Variants in TMPRSS11F observed in about 807,000 individuals in gnomAD.
The protein encoded by TMPRSS11F is transmembrane serine protease 11F.
In TMPRSS11F, 47 loss-of-function variants were observed where a neutral mutation model predicts 60.2. That is an observed-to-expected ratio of 0.78 (90% CI 0.62 to 1.00). The LOEUF (loss-of-function observed/expected upper bound fraction) is 1.00, where lower values mean the gene tolerates loss of function less well. Among genes scored for constraint, TMPRSS11F ranks in the 50% least tolerant of loss-of-function variants. TMPRSS11F has a pLI of 0.00. For missense variants in TMPRSS11F, 519 were observed against 522.9 expected, an observed-to-expected ratio of 0.99 and a Z score of 0.07; for synonymous variants, 166 against 167.3, an observed-to-expected ratio of 0.99 and a Z score of 0.06.
intron 1 of TMPRSS11F, among the ~76,000 whole-genome samples, chr4:68,118,754 A>G (rs1045975317): frequency 6.6e-6 from 1 of 152,196 alleles, no homozygotes; most frequent in African/African-American, 2.4e-5. Flanking sequence ...AAATGGTAAC[A>G]AAAATGAAAG....
intron 1 of TMPRSS11F, among the ~76,000 whole-genome samples, chr4:68,100,365 A>C (rs966113608): frequency 6.6e-6 from 1 of 152,112 alleles, no homozygotes; most frequent in Non-Finnish European, 1.5e-5. Context: ...GAAAAGTCAC[A>C]CAGATGTGAA....
chr4:68,069,905 C>A, intron 6 of TMPRSS11F, 64 bp downstream of exon 6: 2 of 1,402,312 alleles, frequency 1.4e-6, no homozygotes, highest in East Asian at 2.5e-5. Flanking sequence ...GCCAACTTTT[C>A]TATAACTTTT....
At chr4:68,099,979 T>A (rs1724155771) in intron 1 of TMPRSS11F, among the ~76,000 whole-genome samples, 2 of 151,834 alleles carry the variant, frequency 1.3e-5, no homozygotes. Flanking sequence ...TGAAGGGTTT[T>A]GTCAGGAGAT....
intron 2 of TMPRSS11F, among the ~76,000 whole-genome samples, chr4:68,092,686 C>T (rs532389693): frequency 7.3e-5 from 11 of 151,658 alleles, no homozygotes; most frequent in African/African-American, 2.4e-4. Flanking sequence ...TCTCAAGGCA[C>T]ATCTTGATAA....
Position 68,059,368 on chromosome 4 carries a change from C to T in TMPRSS11F, c.1116G>A (p.Met372Ile). ...DVYDGLITPG[M>I]LCAGFMEGKI... ...TTCCTTCCATGAATCCAGCACATAA[C>T]ATTCCTGGAGTTATCAGGCCATCAT... is the stretch of plus-strand genomic sequence containing the variant. The change falls in exon 9 of 10, where the codon ATG becomes ATA. Residue 372 changes from methionine (M) to isoleucine (I), a missense_variant. Physicochemically the swap from Met to Ile is conservative, Grantham distance 10. Transcript: ENST00000356291. 6.2e-7 allele frequency: 1 copy of T among 1,613,832 alleles called. No homozygotes were observed. The highest frequency in any genetic ancestry group is 8.5e-7 in the Non-Finnish European group (1 of 1,179,942).
At chr4:68,098,069 C>A (rs1414634805) in intron 2 of TMPRSS11F, among the ~76,000 whole-genome samples, 3 of 152,090 alleles carry the variant, frequency 2.0e-5, no homozygotes, top group Non-Finnish European at 4.4e-5. Flanking sequence ...CTTTGGGAGG[C>A]TGGGTCGAGT....
intron 1 of TMPRSS11F, among the ~76,000 whole-genome samples, chr4:68,104,016 T>C (rs1351746295): frequency 1.3e-5 from 2 of 152,222 alleles, no homozygotes; most frequent in Non-Finnish European, 2.9e-5. Context: ...CCCCGCAACG[T>C]TATAAAATTC....
At chr4:68,078,257 T>C (rs989164143) in intron 3 of TMPRSS11F, among the ~76,000 whole-genome samples, 2 of 151,700 alleles carry the variant, frequency 1.3e-5, no homozygotes, top group African/African-American at 4.9e-5. Flanking sequence ...TCTGTGACTG[T>C]GTACATTCAT....
At chr4:68,085,060 G>T (rs527320943) in intron 3 of TMPRSS11F, among the ~76,000 whole-genome samples, 4,185 of 127,858 alleles carry the variant, frequency 0.033, 180 homozygotes, top group African/African-American at 0.11. Context: ...CAAAGGACAT[G>T]AACTCATCAT....
At position 68,053,378 on chromosome 4, in the gene TMPRSS11F, A is replaced by T. The variant is rs1438444; in HGVS notation, c.*531T>A. On this transcript the variant is annotated 3_prime_UTR_variant, in exon 10 of 10. Transcript: ENST00000356291. The stretch of plus-strand genomic sequence containing the variant: ...TTAAAATGTCAACTGTTGAGGTTAG[A>T]GATAGTGCTCTGTATTATTAGATAT... 105,793 of 152,440 alleles carry T rather than the reference A, an allele frequency of 0.69. 38,090 individuals are homozygous for T. The highest frequency in any genetic ancestry group is 0.88 in the East Asian group (4,544 of 5,174). 9.4% of individuals were successfully genotyped at this position (152,440 alleles called of 1,614,324 possible). A position where few individuals can be genotyped will look rare whatever the true frequency, so the allele number is the denominator to read the frequency against.
chr4:68,096,059 A>C (rs1724068243), intron 2 of TMPRSS11F, among the ~76,000 whole-genome samples: 1 of 152,090 alleles, frequency 6.6e-6, no homozygotes, highest in South Asian at 2.1e-4. Context: ...AATGTCTATA[A>C]GTATTTGAAT....
intron 3 of TMPRSS11F, among the ~76,000 whole-genome samples, chr4:68,089,103 A>G (rs1025948294): frequency 3.9e-5 from 6 of 152,144 alleles, no homozygotes; most frequent in African/African-American, 1.4e-4. Flanking sequence ...CACCAAAGCA[A>G]TCCTAAGCAA....
chr4:68,071,320 G>A (rs1209382549), intron 5 of TMPRSS11F, among the ~76,000 whole-genome samples: 2 of 152,144 alleles, frequency 1.3e-5, no homozygotes, highest in African/African-American at 4.8e-5. Context: ...GAACTTTCCT[G>A]ATTTCTAACA....
At chr4:68,062,738 T>C (rs748468678) in intron 8 of TMPRSS11F, 7 of 742,918 alleles carry the variant, frequency 9.4e-6, no homozygotes, top group Non-Finnish European at 1.5e-5. Context: ...TAGGGTCACT[T>C]TGAAAACAAA....
At chr4:68,128,360 A>G (rs541316302) in intron 1 of TMPRSS11F, among the ~76,000 whole-genome samples, 59 of 152,148 alleles carry the variant, frequency 3.9e-4, no homozygotes, top group Non-Finnish European at 7.2e-4. Flanking sequence ...TCTGATCACT[A>G]TATATTACAT....
intron 1 of TMPRSS11F, among the ~76,000 whole-genome samples, chr4:68,102,712 T>C (rs1012529219): frequency 3.3e-5 from 5 of 152,202 alleles, no homozygotes; most frequent in Non-Finnish European, 5.9e-5. Context: ...AAATTGCAGA[T>C]ATTAACCCTT....
intron 1 of TMPRSS11F, among the ~76,000 whole-genome samples, chr4:68,118,319 C>A (rs1474969018): frequency 1.3e-5 from 2 of 152,098 alleles, no homozygotes; most frequent in African/African-American, 4.8e-5. Flanking sequence ...CAAGAATCTT[C>A]CAAAAATATG....
chr4:68,102,504 T>C (rs923956799), intron 1 of TMPRSS11F, among the ~76,000 whole-genome samples: 1 of 152,194 alleles, frequency 6.6e-6, no homozygotes, highest in Non-Finnish European at 1.5e-5. Context: ...TTTTTGGTAA[T>C]AGCCATCCTA....
chr4:68,114,181 A>T (rs1464633580), intron 1 of TMPRSS11F, among the ~76,000 whole-genome samples: 3 of 151,996 alleles, frequency 2.0e-5, no homozygotes, highest in Non-Finnish European at 2.9e-5. Flanking sequence ...GAAAACAATA[A>T]TCAACCCTAC....
Sources: gnomAD v4.1 joint callset for allele counts (sites outside exome capture counted in the v4.1 genomes callset) on GRCh38, gnomAD v4.1.1 for gene constraint, MANE v1.5 for transcripts, NCBI Gene and HGNC (gene_info 2026-07-23, HGNC 2026-07-21) for gene names.